ATP1B2: variants seen among roughly 807,000 people sequenced by gnomAD.
ATP1B2 encodes the protein ATPase Na+/K+ transporting subunit beta 2.
Under a neutral mutation model 37.3 loss-of-function variants are expected in ATP1B2, and 12 were observed. That is an observed-to-expected ratio of 0.32 (90% CI 0.21 to 0.52). The LOEUF (loss-of-function observed/expected upper bound fraction) is 0.52. Ranked by LOEUF, ATP1B2 falls within the 20% of genes least tolerant of loss-of-function variation. The pLI, the probability that ATP1B2 is intolerant of heterozygous loss-of-function variation, is 0.96. For synonymous variants in ATP1B2, 139 were observed against 140.5 expected (o/e 0.99, Z 0.07); for missense variants, 324 against 391.6 (o/e 0.83, Z 1.46).
At chr17:7,651,752 G>A in intron 1 of ATP1B2, 122 bp downstream of exon 1, 1 of 835,392 alleles carries the variant, frequency 1.2e-6, no homozygotes, top group Non-Finnish European at 1.8e-6. Flanking sequence ...CCTCCCTGCC[G>A]GGCTCTGGGC....
intron 1 of ATP1B2, 118 bp from the exon 2 acceptor site, chr17:7,653,256 C>T (rs2072625162): frequency 1.4e-5 from 20 of 1,458,426 alleles, no homozygotes; most frequent in East Asian, 2.3e-5. Context: ...TAAGACATCC[C>T]TGTGGCTCTG....
rs764059842 is a variant in ATP1B2, at chr17:7,653,928, TCAA to T, written c.333_335del (p.Asn111del). The stretch of plus-strand genomic sequence containing the variant: ...AGCTGGGACCAGCATGTTCAGAAGC[TCAA>T]CAAGTTCTTGGAGCGTGAGTGTGGG... On this transcript the variant is annotated inframe_deletion, in exon 3 of 7. Transcript: ENST00000250111. The T allele has an allele frequency of 6.2e-7, 1 of 1,614,164 alleles. No homozygotes were observed. The highest frequency in any genetic ancestry group is 8.5e-7 in the Non-Finnish European group (1 of 1,180,026).
Position 7,654,915 on chromosome 17 carries a change from G to A in ATP1B2, c.609+231G>A, listed in dbSNP as rs879435283. 102 of 538,778 alleles carry A rather than the reference G, an allele frequency of 1.9e-4. No individual in the cohort carries two copies. Among genetic ancestry groups the A allele is most frequent in the Non-Finnish European group, 3.1e-4 (92 of 300,890 alleles). 33.4% of individuals were successfully genotyped at this position (538,778 alleles called of 1,614,324 possible). A position where few individuals can be genotyped will look rare whatever the true frequency, so the allele number is the denominator to read the frequency against. On this transcript the variant is annotated intron_variant, in intron 5 of 6. Transcript: ENST00000250111. This position sits in a 1 kb window ranked among gnomAD's most constrained non-coding sequence, Gnocchi z 4.9. ...GGATGCAGAGGCCTGCTCTCCTAGGGGCCAGACACACGCCCTCCTCCACCA... is the reference window on the plus strand; with the variant it reads ...GGATGCAGAGGCCTGCTCTCCTAGGAGCCAGACACACGCCCTCCTCCACCA...
At position 7,654,594 on chromosome 17, in the gene ATP1B2, C is replaced by T. The variant is rs370403028; in HGVS notation, c.553-34C>T. 248 of 1,611,314 alleles carry T rather than the reference C, an allele frequency of 1.5e-4. No individual in the cohort carries two copies. Among genetic ancestry groups the T allele is most frequent in the Non-Finnish European group, 1.5e-4 (177 of 1,177,590 alleles). On this transcript the variant is annotated intron_variant, in intron 4 of 6. Coordinates refer to ENST00000250111, the MANE Select transcript of ATP1B2 (RefSeq NM_001678.5). This position sits in a 1 kb window ranked among gnomAD's most constrained non-coding sequence, Gnocchi z 4.9. Reference sequence around the variant, plus strand: ...GATGCCCATCTTCGACAACTTCTTCCTCTGACTCTCTTCACCTTCCACCCT... The same window carrying T: ...GATGCCCATCTTCGACAACTTCTTCTTCTGACTCTCTTCACCTTCCACCCT...
In ATP1B2 at chr17:7,651,205, C is replaced by T. The variant is rs915649492; in HGVS notation, c.-314C>T. 3 of 327,058 alleles carry T rather than the reference C, an allele frequency of 9.2e-6. No individual in the cohort carries two copies. Among genetic ancestry groups the T allele is most frequent in the Middle Eastern group, 9.8e-4 (1 of 1,016 alleles). 20.3% of individuals were successfully genotyped at this position (327,058 alleles called of 1,614,324 possible). ...TTTTGCACCCCATTTCGTTTTGTTT[C>T]TAGACGGTTTGGTGGGGGGTGAAGC... is the stretch of plus-strand genomic sequence containing the variant. On this transcript the variant is annotated 5_prime_UTR_variant, in exon 1 of 7. Transcript: ENST00000250111.
At chr17:7,648,941 G>A (rs149333815), upstream of ATP1B2, among the ~76,000 whole-genome samples, 1 of 152,246 alleles carries the variant, frequency 6.6e-6, no homozygotes, top group African/African-American at 2.4e-5. Flanking sequence ...CACTCCTGGG[G>A]TAGACTGTGC....
In ATP1B2 at chr17:7,653,852, C is replaced by T. The variant is rs747095706; in HGVS notation, c.253C>T (p.Arg85Cys). 25 of 1,613,926 alleles carry T rather than the reference C, an allele frequency of 1.5e-5. 1 individual carries two copies. Among genetic ancestry groups the T allele is most frequent in the Middle Eastern group, 1.6e-4 (1 of 6,084 alleles). ...TTTGTTGGCTGTAGGCTTGATGATT[C>T]GCCCCAAGACTGAGAACCTTGATGT... ...DRLATPGLMI[R>C]PKTENLDVIV... The change falls in exon 3 of 7, where the codon CGC (arginine) becomes TGC (cysteine). Residue 85 changes from arginine (R) to cysteine (C), a missense_variant. Arg to Cys is a radical substitution (Grantham distance 180). Transcript: ENST00000250111.
At position 7,655,932 on chromosome 17, in the gene ATP1B2, G is replaced by A; in HGVS notation, c.*37G>A. 6.2e-7 allele frequency: 1 copy of A among 1,609,926 alleles called. No homozygotes were observed. The highest frequency in any genetic ancestry group is 8.5e-7 in the Non-Finnish European group (1 of 1,177,672). On this transcript the variant is annotated 3_prime_UTR_variant, in exon 7 of 7. Coordinates refer to ENST00000250111, the MANE Select transcript of ATP1B2 (RefSeq NM_001678.5). The surrounding 1 kb of genome is among the most constrained non-coding windows in gnomAD (Gnocchi z 4.4). ...CCCACCCCATCTCTCTCCTGTGGAT[G>A]CTCCTGGAATGTCCCTGACCCTGCC... is the stretch of plus-strand genomic sequence containing the variant.
chr17:7,648,411 C>G (rs1175310356), upstream of ATP1B2, among the ~76,000 whole-genome samples: 2 of 151,214 alleles, frequency 1.3e-5, no homozygotes, highest in African/African-American at 4.9e-5. Context: ...AATCCCATCT[C>G]TACAAAAAAA....
chr17:7,655,571 C>T lies in ATP1B2; in HGVS notation c.654C>T (p.Pro218=), dbSNP rs574358752. Residue 218 remains proline (P), a synonymous_variant, in exon 6 of 7, where the codon CCC becomes CCT. Transcript: ENST00000250111. This position sits in a 1 kb window ranked among gnomAD's most constrained non-coding sequence, Gnocchi z 4.4. ...AENLGNFVMF[P]ANGNIDLMYF... ...ATCTCGGCAACTTCGTCATGTTCCCCGCCAACGGCAACATCGACCTCATGT... is the reference window on the plus strand; with the variant it reads ...ATCTCGGCAACTTCGTCATGTTCCCTGCCAACGGCAACATCGACCTCATGT... 2.4e-5 allele frequency: 39 copies of T among 1,614,034 alleles called. No individual in the cohort carries two copies. Among genetic ancestry groups the T allele is most frequent in the South Asian group, 3.3e-5 (3 of 91,084 alleles).
rs1440163150 is a variant in ATP1B2 at position 7,655,074 on chromosome 17, C to T, written c.609+390C>T. The stretch of plus-strand genomic sequence containing the variant: ...TTCTAGGTGTCTGGTAGCTGCTGAT[C>T]TGTTAGCACCATCTGCCACCAGTTC... On this transcript the variant is annotated intron_variant, in intron 5 of 6. Coordinates refer to ENST00000250111, the MANE Select transcript of ATP1B2 (RefSeq NM_001678.5). The surrounding 1 kb of genome is among the most constrained non-coding windows in gnomAD (Gnocchi z 4.4). Among the ~76,000 whole-genome samples the T allele has an allele frequency of 6.6e-6, 1 of 152,178 alleles. No homozygotes were observed. The highest frequency in any genetic ancestry group is 1.9e-4 in the East Asian group (1 of 5,192).
upstream of ATP1B2, among the ~76,000 whole-genome samples, chr17:7,650,099 G>C (rs896426625): frequency 6.6e-6 from 1 of 152,196 alleles, no homozygotes; most frequent in Admixed American, 6.5e-5. Flanking sequence ...GGCCTCCCCA[G>C]GGCTACAGCA....
upstream of ATP1B2, among the ~76,000 whole-genome samples, chr17:7,649,033 C>CCATT (rs150588896): frequency 6.6e-4 from 101 of 152,194 alleles, 1 homozygote; most frequent in South Asian, 1.2e-3. Context: ...GCCCCAACTC[C>CCATT]CATTCATTCA....
chr17:7,646,670 G>C (rs1343384690), upstream of ATP1B2: 1 of 152,216 alleles, frequency 6.6e-6, no homozygotes, highest in African/African-American at 2.4e-5. Flanking sequence ...TACAACGTGT[G>C]GGAGTTCAGC....
chr17:7,647,946 G>A (rs2072585040), upstream of ATP1B2, among the ~76,000 whole-genome samples: 1 of 152,012 alleles, frequency 6.6e-6, no homozygotes, highest in South Asian at 2.1e-4. Context: ...GTCGTTCATG[G>A]ACATGCTGGG....
At position 7,654,718 on chromosome 17, in the gene ATP1B2, T is replaced by C. The variant is rs2072638181; in HGVS notation, c.609+34T>C. ...GTTGGGCCTTGTCTGCCTGCTCACC[T>C]GAGTGGCTCACCTGAGTGTCCTTCA... is the stretch of plus-strand genomic sequence containing the variant. On this transcript the variant is annotated intron_variant, in intron 5 of 6. Transcript: ENST00000250111. The surrounding 1 kb of genome is among the most constrained non-coding windows in gnomAD (Gnocchi z 4.9). 1 of 1,606,868 alleles carries C rather than the reference T, an allele frequency of 6.2e-7. No individual in the cohort carries two copies. Among genetic ancestry groups the C allele is most frequent in the Middle Eastern group, 1.7e-4 (1 of 6,038 alleles).
chr17:7,655,733 G>A lies in ATP1B2; in HGVS notation c.711G>A (p.Val237=), dbSNP rs1333459181. ...CCTGCACTGCTCCTCCGGCCCAGGT[G>A]AACTACACACAGCCCCTGGTGGCTG... ...YFPYYGKKFH[V]NYTQPLVAVK... Residue 237 remains valine (V), a splice_region_variant and synonymous_variant, in exon 7 of 7, where the codon GTG becomes GTA. Transcript: ENST00000250111. This position sits in a 1 kb window ranked among gnomAD's most constrained non-coding sequence, Gnocchi z 4.4. The A allele has an allele frequency of 6.2e-7, 1 of 1,614,144 alleles. No individual in the cohort carries two copies. The highest frequency in any genetic ancestry group is 8.5e-7 in the Non-Finnish European group (1 of 1,180,022).
chr17:7,650,909 C>T (rs1028034802), upstream of ATP1B2, among the ~76,000 whole-genome samples: 2 of 152,168 alleles, frequency 1.3e-5, no homozygotes, highest in African/African-American at 4.8e-5. Flanking sequence ...AGACCGCGCT[C>T]GGCGACCGCG....
chr17:7,654,307 A>G lies in ATP1B2; in HGVS notation c.552+50A>G. 6.3e-7 allele frequency: 1 copy of G among 1,585,068 alleles called. No homozygotes were observed. The highest frequency in any genetic ancestry group is 8.7e-7 in the Non-Finnish European group (1 of 1,156,024). ...GTGAATGGAGGAAGGATCTGGGGACACCACCTGCAGACAATTGCATCCTTT... is the reference window on the plus strand; with the variant it reads ...GTGAATGGAGGAAGGATCTGGGGACGCCACCTGCAGACAATTGCATCCTTT... On this transcript the variant is annotated intron_variant, in intron 4 of 6. Coordinates refer to ENST00000250111, the MANE Select transcript of ATP1B2 (RefSeq NM_001678.5). The surrounding 1 kb of genome is among the most constrained non-coding windows in gnomAD (Gnocchi z 4.9).
Sources: allele counts gnomAD v4.1 joint callset (sites outside exome capture counted in the v4.1 genomes callset), GRCh38; gene constraint gnomAD v4.1.1; non-coding constraint Gnocchi (gnomAD v3.1); transcripts MANE v1.5; gene names NCBI Gene and HGNC (gene_info 2026-07-23, HGNC 2026-07-21).